RAB28: variants seen among roughly 807,000 people sequenced by gnomAD.
RAB28 encodes the protein RAB28, member RAS oncogene family, also known as ras-related protein Rab-28.
In RAB28, 24 loss-of-function variants were observed where a neutral mutation model predicts 31.7. That is an observed-to-expected ratio of 0.76 (90% CI 0.55 to 1.06). The LOEUF (loss-of-function observed/expected upper bound fraction) is 1.06. Among genes scored for constraint, RAB28 ranks in the 50% least tolerant of loss-of-function variants. The pLI, the probability that RAB28 is intolerant of heterozygous loss-of-function variation, is 0.00. For missense variants in RAB28, 254 were observed against 258.5 expected (o/e 0.98, Z 0.12); for synonymous variants, 100 against 90.4 (o/e 1.11, Z -0.60).
intron 4 of RAB28, among the ~76,000 whole-genome samples, chr4:13,397,438 A>G (rs1467394390): frequency 6.6e-6 from 1 of 152,126 alleles, no homozygotes; most frequent in Non-Finnish European, 1.5e-5. Context: ...GTTATTCTTT[A>G]AACCACTTTC....
chr4:13,448,348 T>C (rs1714799809), intron 4 of RAB28, among the ~76,000 whole-genome samples: 1 of 152,098 alleles, frequency 6.6e-6, no homozygotes. Context: ...AATTATGCTT[T>C]TATTAGCATT....
At chr4:13,406,315 T>C (rs1380353190) in intron 4 of RAB28, among the ~76,000 whole-genome samples, 1 of 152,220 alleles carries the variant, frequency 6.6e-6, no homozygotes, top group Non-Finnish European at 1.5e-5. Flanking sequence ...TCCATGTCCC[T>C]GCAAAGGACA....
At chr4:13,483,270 G>A (rs570299278) in intron 1 of RAB28, among the ~76,000 whole-genome samples, 197 of 152,196 alleles carry the variant, frequency 1.3e-3, no homozygotes, top group Non-Finnish European at 2.5e-3. Context: ...TAAGACTGAC[G>A]CTGCCTGATA....
intron 4 of RAB28, among the ~76,000 whole-genome samples, chr4:13,384,983 C>T (rs1352290152): frequency 6.6e-6 from 1 of 152,114 alleles, no homozygotes; most frequent in Admixed American, 6.5e-5. Flanking sequence ...AGCTGACAGA[C>T]AAAACAGCCA....
chr4:13,467,361 AAGTG>A (rs1199696248), intron 3 of RAB28, among the ~76,000 whole-genome samples: 2 of 151,956 alleles, frequency 1.3e-5, no homozygotes, highest in African/African-American at 2.4e-5. Flanking sequence ...GATGAAAAAA[AAGTG>A]AGTATCAGAA....
chr4:13,460,173 T>C (rs916597115), intron 4 of RAB28, among the ~76,000 whole-genome samples: 32 of 152,328 alleles, frequency 2.1e-4, no homozygotes, highest in African/African-American at 6.7e-4. Flanking sequence ...CTGTTTGGGC[T>C]GCCATAACAA....
chr4:13,484,145 C>G lies in RAB28; in HGVS notation c.6G>C (p.Ser2=). 6.3e-7 allele frequency: 1 copy of G among 1,587,366 alleles called. No individual in the cohort carries two copies. The highest frequency in any genetic ancestry group is 1.1e-5 in the South Asian group (1 of 87,470). M[S]DSEEESQDRQ... ...GGTCCTGGCTCTCCTCCTCAGAGTC[C>G]GACATGGTGTCCCGGGAACCAGGCC... is the stretch of plus-strand genomic sequence containing the variant. The change falls in exon 1 of 7, where the codon TCG becomes TCC. Residue 2 remains serine, a synonymous_variant. Coordinates refer to ENST00000330852, the MANE Select transcript of RAB28 (RefSeq NM_001017979.3).
chr4:13,442,899 T>C lies in RAB28; in HGVS notation c.391+17800A>G, dbSNP rs557046614. Reference sequence around the variant, plus strand: ...CACACAGTTAGTAACTGAACCCGTATCAGAATTGATGTGGTCTTGATTAGG... The same window carrying C: ...CACACAGTTAGTAACTGAACCCGTACCAGAATTGATGTGGTCTTGATTAGG... On this transcript the variant is annotated intron_variant, in intron 4 of 6. Transcript: ENST00000330852. Among the ~76,000 whole-genome samples, 225 of 152,268 alleles carry C rather than the reference T, an allele frequency of 1.5e-3. 2 individuals carry two copies. The highest frequency in any genetic ancestry group is 2.3e-3 in the Non-Finnish European group (156 of 68,020).
At chr4:13,436,623 A>G (rs1714126625) in intron 4 of RAB28, among the ~76,000 whole-genome samples, 1 of 152,220 alleles carries the variant, frequency 6.6e-6, no homozygotes, top group Non-Finnish European at 1.5e-5. Context: ...AAAATAAAAT[A>G]AAATACCTGG....
intron 1 of RAB28, 147 bp from the exon 2 acceptor site, chr4:13,479,673 G>C: frequency 1.7e-6 from 1 of 579,204 alleles, no homozygotes; most frequent in Non-Finnish European, 3.0e-6. Context: ...TACAAGGAGG[G>C]GAGAGACTTA....
intron 3 of RAB28, among the ~76,000 whole-genome samples, chr4:13,468,035 A>T (rs1715944442): frequency 6.6e-6 from 1 of 151,982 alleles, no homozygotes; most frequent in Non-Finnish European, 1.5e-5. Flanking sequence ...AAAGACTGGC[A>T]TAATAAGTCA....
intron 4 of RAB28, among the ~76,000 whole-genome samples, chr4:13,406,860 T>G (rs562066630): frequency 4.3e-4 from 66 of 152,352 alleles, no homozygotes; most frequent in African/African-American, 1.5e-3. Flanking sequence ...TTTTTTCTTG[T>G]AAATTTGTTT....
chr4:13,454,916 C>T (rs1715214614), intron 4 of RAB28, among the ~76,000 whole-genome samples: 1 of 152,150 alleles, frequency 6.6e-6, no homozygotes, highest in African/African-American at 2.4e-5. Context: ...ATTTCTCAGG[C>T]CTGGGACAGG....
At chr4:13,475,677 G>A (rs1716330347) in intron 2 of RAB28, among the ~76,000 whole-genome samples, 1 of 148,808 alleles carries the variant, frequency 6.7e-6, no homozygotes, top group South Asian at 2.1e-4. Flanking sequence ...GAGCGCTAAT[G>A]TTTTATCACC....
chr4:13,386,337 A>T (rs1351227255), intron 4 of RAB28, among the ~76,000 whole-genome samples: 4 of 152,158 alleles, frequency 2.6e-5, no homozygotes, highest in African/African-American at 9.7e-5. Context: ...ACAGAATGGG[A>T]GAAAAGTTTG....
At position 13,368,596 on chromosome 4, in the gene RAB28, C is replaced by T. The variant is rs1728601028; in HGVS notation, c.628G>A (p.Val210Ile). ...NYNQEPMSRT[V>I]NPPRSSMCAV... The stretch of plus-strand genomic sequence containing the variant: ...CACATAGAGCTTCTAGGAGGGTTAA[C>T]AGTCCTTGACATAGGTTCCTGGTTG... Residue 210 changes from valine (V) to isoleucine (I), a missense_variant, in exon 7 of 7, where the codon GTT becomes ATT. Transcript: ENST00000330852. The T allele has an allele frequency of 6.2e-7, 1 of 1,612,490 alleles. No individual in the cohort carries two copies. The highest frequency in any genetic ancestry group is 8.5e-7 in the Non-Finnish European group (1 of 1,179,102).
chr4:13,468,487 A>T (rs1715973289), intron 3 of RAB28, among the ~76,000 whole-genome samples: 1 of 151,976 alleles, frequency 6.6e-6, no homozygotes, highest in Non-Finnish European at 1.5e-5. Flanking sequence ...ACAAGCATCA[A>T]AGAAGTCTCA....
At chr4:13,459,607 G>C in intron 4 of RAB28, 2 of 303,536 alleles carry the variant, frequency 6.6e-6, no homozygotes, top group Non-Finnish European at 9.7e-6. Context: ...TCTATCATTT[G>C]AGACAGGTCT....
chr4:13,403,855 T>C (rs1219413390), intron 4 of RAB28, among the ~76,000 whole-genome samples: 1 of 152,194 alleles, frequency 6.6e-6, no homozygotes, highest in Admixed American at 6.5e-5. Context: ...AATTCCAACA[T>C]AGTTATACAT....
Sources: gnomAD v4.1 joint callset for allele counts (sites outside exome capture counted in the v4.1 genomes callset) on GRCh38, gnomAD v4.1.1 for gene constraint, MANE v1.5 for transcripts, NCBI Gene and HGNC (gene_info 2026-07-23, HGNC 2026-07-21) for gene names.